NAP1L4: variants seen among roughly 807,000 people sequenced by gnomAD.
NAP1L4 encodes the protein nucleosome assembly protein 1-like 4.
A neutral mutation model predicts 58.2 loss-of-function variants in NAP1L4; 15 were observed. The ratio of observed to expected loss-of-function variants is 0.26; its 90% CI spans 0.17 to 0.40. The LOEUF (loss-of-function observed/expected upper bound fraction) is 0.40, where lower values mean the gene tolerates loss of function less well. Among genes scored for constraint, NAP1L4 ranks in the 10% least tolerant of loss-of-function variants. NAP1L4 has a pLI of 1.00. For synonymous variants in NAP1L4, 171 were observed against 155.6 expected (o/e 1.10, Z -0.74); for missense variants, 384 against 451.1 (o/e 0.85, Z 1.35).
intron 3 of NAP1L4, among the ~76,000 whole-genome samples, chr11:2,977,160 T>C (rs1269708401): frequency 6.6e-6 from 1 of 152,238 alleles, no homozygotes; most frequent in Non-Finnish European, 1.5e-5. Context: ...AAATACTACA[T>C]GCATATACAA....
chr11:2,962,756 G>A (rs576135161), intron 8 of NAP1L4, among the ~76,000 whole-genome samples: 72 of 152,088 alleles, frequency 4.7e-4, no homozygotes, highest in Non-Finnish European at 9.4e-4. Context: ...TAAGATGACA[G>A]GCTAAGAAAG....
rs1590249734 is a variant in NAP1L4 at position 2,971,871 on chromosome 11, G to A, written c.315+231C>T. Reference sequence around the variant, plus strand: ...CTCTGTGTAGGGTTCAATACATTACGCGAGATACTCAGCACTTTATTATAA... The same window carrying A: ...CTCTGTGTAGGGTTCAATACATTACACGAGATACTCAGCACTTTATTATAA... On this transcript the variant is annotated intron_variant, in intron 5 of 15. Transcript: ENST00000380542. The surrounding 1 kb of genome is among the most constrained non-coding windows in gnomAD (Gnocchi z 4.2). Among the ~76,000 whole-genome samples the A allele has an allele frequency of 2.0e-5, 3 of 152,138 alleles. No individual in the cohort carries two copies. The highest frequency in any genetic ancestry group is 6.5e-5 in the Admixed American group (1 of 15,278).
rs558161309 is a variant in NAP1L4, at chr11:2,971,509, A to T, written c.341T>A (p.Val114Asp). 1 of 1,613,850 alleles carries T rather than the reference A, an allele frequency of 6.2e-7. No homozygotes were observed. The highest frequency in any genetic ancestry group is 1.3e-5 in the African/African-American group (1 of 75,054). Residue 114 changes from valine to aspartate, a missense_variant, in exon 6 of 16, where the codon GTT (valine) becomes GAT (aspartate). Around this residue, in one of 3 missense-constraint regions of NAP1L4, gnomAD observed 296 missense variants for 360.8 expected, o/e 0.82. Transcript: ENST00000380542. This position sits in a 1 kb window ranked among gnomAD's most constrained non-coding sequence, Gnocchi z 4.2. ...DKRREFITGDVEPTDAESEWH... is the reference protein window; with the variant it reads ...DKRREFITGDDEPTDAESEWH... ...TTCCGATTCCGCATCTGTTGGTTCA[A>T]CATCGCCGGTGATAAATTCTCTTCT...
At chr11:2,974,659 G>A (rs57892344) in intron 4 of NAP1L4, among the ~76,000 whole-genome samples, 1,557 of 152,298 alleles carry the variant, frequency 0.01, 20 homozygotes, top group African/African-American at 0.036. Flanking sequence ...ACTTTGGGAG[G>A]CCAAGGTGGG....
chr11:2,979,350 G>A (rs192419859), intron 1 of NAP1L4, 113 bp from the exon 2 acceptor site: 174 of 826,844 alleles, frequency 2.1e-4, no homozygotes, highest in Non-Finnish European at 3.1e-4. Context: ...GGGACAGGAG[G>A]GAACTTTCTA....
chr11:2,970,483 C>A (rs1046731712), intron 6 of NAP1L4, among the ~76,000 whole-genome samples: 3 of 152,014 alleles, frequency 2.0e-5, no homozygotes, highest in Non-Finnish European at 2.9e-5. Context: ...AGCAACTTAT[C>A]CAGCTTGTAA....
At position 2,975,639 on chromosome 11, in the gene NAP1L4, T is replaced by C. The variant is rs149844571; in HGVS notation, c.173+385A>G. ...GAAAACTCATAGGCATGCGGCACTATGCCCAGTTTTTTTTTTTTAAGGTGT... is the reference window on the plus strand; with the variant it reads ...GAAAACTCATAGGCATGCGGCACTACGCCCAGTTTTTTTTTTTTAAGGTGT... On this transcript the variant is annotated intron_variant, in intron 4 of 15. Coordinates refer to ENST00000380542, the MANE Select transcript of NAP1L4 (RefSeq NM_005969.4). Among the ~76,000 whole-genome samples, 16 of 151,876 alleles carry C rather than the reference T, an allele frequency of 1.1e-4. No individual in the cohort carries two copies. The East Asian group carries it at 3.1e-3, about 29-fold the overall frequency.
chr11:2,951,376 A>G lies in NAP1L4; in HGVS notation c.1066-61T>C. On this transcript the variant is annotated intron_variant, in intron 13 of 15. Coordinates refer to ENST00000380542, the MANE Select transcript of NAP1L4 (RefSeq NM_005969.4). The surrounding 1 kb of genome is among the most constrained non-coding windows in gnomAD (Gnocchi z 4.0). ...AGATTTAAACTCTTGTGGCATTCAC[A>G]ATCCACAAACACAAGGAGCAAAACA... The G allele has an allele frequency of 6.8e-7, 1 of 1,468,452 alleles. No homozygotes were observed. The highest frequency in any genetic ancestry group is 1.4e-5 in the African/African-American group (1 of 72,038). 91.0% of individuals were successfully genotyped at this position (1,468,452 alleles called of 1,614,324 possible).
rs937946542 is a variant in NAP1L4, at chr11:2,949,010, T to C, written c.*32+217A>G. Among the ~76,000 whole-genome samples the C allele has an allele frequency of 2.0e-5, 3 of 152,204 alleles. No homozygotes were observed. Among genetic ancestry groups the C allele is most frequent in the Non-Finnish European group, 4.4e-5 (3 of 68,032 alleles). On this transcript the variant is annotated intron_variant, in intron 15 of 15. Coordinates refer to ENST00000380542, the MANE Select transcript of NAP1L4 (RefSeq NM_005969.4). This position sits in a 1 kb window ranked among gnomAD's most constrained non-coding sequence, Gnocchi z 4.0. Reference sequence around the variant, plus strand: ...TACACCCAAGTTACATCTTTGCTACTTGGTTAGCAAGAAACACTGGGCTCA... The same window carrying C: ...TACACCCAAGTTACATCTTTGCTACCTGGTTAGCAAGAAACACTGGGCTCA...
chr11:2,991,058 CAA>C lies in NAP1L4; in HGVS notation c.-18+1194_-18+1195del, dbSNP rs1382169678. ...GTAATGCAGACTGGGGGATGCGAAC[CAA>C]AGCACAGACGAATGTGCCCCGACGA... is the stretch of plus-strand genomic sequence containing the variant. On this transcript the variant is annotated intron_variant, in intron 1 of 15. Transcript: ENST00000380542. 7.7e-5 allele frequency: 35 copies of C among 455,854 alleles called. No homozygotes were observed. The Admixed American group carries it at 8.2e-4, about 11-fold the overall frequency. 28.2% of individuals were successfully genotyped at this position (455,854 alleles called of 1,614,324 possible). A position where few individuals can be genotyped will look rare whatever the true frequency, so the allele number is the denominator to read the frequency against.
chr11:2,984,029 G>A (rs1848478540), intron 1 of NAP1L4, among the ~76,000 whole-genome samples: 1 of 151,156 alleles, frequency 6.6e-6, no homozygotes. Context: ...CACAGTGGTT[G>A]ATGCCTCTGG....
chr11:2,985,659 GCAT>G, intron 1 of NAP1L4, among the ~76,000 whole-genome samples: 1 of 152,036 alleles, frequency 6.6e-6, no homozygotes, highest in South Asian at 2.1e-4. Context: ...TCAAAACATC[GCAT>G]TATACATCAT....
chr11:2,957,811 G>T (rs1846633358), intron 10 of NAP1L4, among the ~76,000 whole-genome samples: 1 of 152,136 alleles, frequency 6.6e-6, no homozygotes, highest in African/African-American at 2.4e-5. Context: ...AAAAATGAAA[G>T]TCCCAACTAC....
chr11:2,977,005 TG>T (rs1564987482), intron 3 of NAP1L4, among the ~76,000 whole-genome samples: 2 of 152,330 alleles, frequency 1.3e-5, no homozygotes, highest in East Asian at 3.9e-4. Context: ...TCCCATGATG[TG>T]GGTAAGTCAA....
chr11:2,962,884 G>A (rs1003774060), intron 8 of NAP1L4, among the ~76,000 whole-genome samples: 16 of 151,964 alleles, frequency 1.1e-4, no homozygotes, highest in African/African-American at 3.4e-4. Context: ...GGTGGATCAC[G>A]AGGTCAAGAG....
In NAP1L4 at chr11:2,984,236, A is replaced by G. The variant is rs188053170; in HGVS notation, c.-17-4999T>C. On this transcript the variant is annotated intron_variant, in intron 1 of 15. Transcript: ENST00000380542. ...TGGCTATGCTCACCACCACGACCAC[A>G]GCAGCAACCCAAACCCAGCCCTAGT... Among the ~76,000 whole-genome samples the G allele has an allele frequency of 2.9e-3, 445 of 151,696 alleles. 4 individuals carry two copies. The highest frequency in any genetic ancestry group is 6.9e-3 in the Middle Eastern group (2 of 290).
Position 2,959,680 on chromosome 11 carries a change from T to A in NAP1L4, c.746+90A>T. ...CTTTTAAGCAGACTCAAGACTGTAC[T>A]TTATTCCTTACTTCTATCTTACCCA... On this transcript the variant is annotated intron_variant, in intron 9 of 15. Coordinates refer to ENST00000380542, the MANE Select transcript of NAP1L4 (RefSeq NM_005969.4). The surrounding 1 kb of genome is among the most constrained non-coding windows in gnomAD (Gnocchi z 4.9). 1 of 1,491,508 alleles carries A rather than the reference T, an allele frequency of 6.7e-7. No homozygotes were observed. The highest frequency in any genetic ancestry group is 1.2e-5 in the South Asian group (1 of 82,550). The allele number at this position is 1,491,508 out of a possible 1,614,324, so 92.4% of individuals were successfully genotyped here.
At chr11:2,982,103 T>A (rs1462113924) in intron 1 of NAP1L4, among the ~76,000 whole-genome samples, 1 of 152,222 alleles carries the variant, frequency 6.6e-6, no homozygotes, top group Non-Finnish European at 1.5e-5. Context: ...TGTTTTTTTC[T>A]GTTATATACC....
At chr11:2,992,130 G>C (rs1361383475) in intron 1 of NAP1L4, 124 bp downstream of exon 1, 1 of 149,906 alleles carries the variant, frequency 6.7e-6, no homozygotes, top group Non-Finnish European at 1.5e-5. Context: ...CTGCCCCACC[G>C]CCCCGAGGCT....
Sources: gnomAD v4.1 joint callset for allele counts (sites outside exome capture counted in the v4.1 genomes callset) on GRCh38, gnomAD v4.1.1 for gene constraint, gnomAD v4.1.1 regional missense constraint, Gnocchi (gnomAD v3.1) non-coding constraint, MANE v1.5 for transcripts, NCBI Gene and HGNC (gene_info 2026-07-23, HGNC 2026-07-21) for gene names.